The following FHDC1 variants were observed in gnomAD, a reference collection of about 807,000 sequenced individuals.
FHDC1 encodes FH2 domain-containing protein 1.
Under a neutral mutation model 52.6 loss-of-function variants are expected in FHDC1, and 25 were observed. That is an observed-to-expected ratio of 0.48 (90% CI 0.35 to 0.66). FHDC1 has a LOEUF of 0.66. Among genes scored for constraint, FHDC1 ranks in the 30% least tolerant of loss-of-function variants. The pLI, the probability that FHDC1 is intolerant of heterozygous loss-of-function variation, is 0.01. For missense variants in FHDC1, 1,459 were observed against 1,452.8 expected, an observed-to-expected ratio of 1.00 and a Z score of -0.07; for synonymous variants, 616 against 581.5, an observed-to-expected ratio of 1.06 and a Z score of -0.85.
intron 2 of FHDC1, among the ~76,000 whole-genome samples, chr4:152,951,235 T>C (rs953943168): frequency 6.6e-6 from 1 of 152,248 alleles, no homozygotes; most frequent in Non-Finnish European, 1.5e-5. Context: ...CAGATTCTTA[T>C]GCATGGCCTT....
At chr4:152,964,502 T>G (rs1401907391) in intron 8 of FHDC1, among the ~76,000 whole-genome samples, 1 of 151,944 alleles carries the variant, frequency 6.6e-6, no homozygotes, top group African/African-American at 2.4e-5. Flanking sequence ...ATCCAAACAC[T>G]GCCATGGCTC....
the FHDC1 span, among the ~76,000 whole-genome samples, chr4:152,912,594 T>C: frequency 6.6e-6 from 1 of 152,174 alleles, no homozygotes; most frequent in African/African-American, 2.4e-5. Context: ...CATACACATG[T>C]ACCTGTTTAG....
In FHDC1 at chr4:152,975,078, C is replaced by G. The variant is rs1378475065; in HGVS notation, c.1787C>G (p.Ser596Cys). 1 of 1,612,602 alleles carries G rather than the reference C, an allele frequency of 6.2e-7. No individual in the cohort carries two copies. The highest frequency in any genetic ancestry group is 2.2e-5 in the East Asian group (1 of 44,860). ...CCTGCAGAAGTGAGGCACCAGGACT[C>G]CAGCTTTGCACACAAACCTCAGGCC... The part of the protein sequence containing the change: ...LEPAEVRHQD[S>C]SFAHKPQASG... The change falls in exon 12 of 12, where the codon TCC (serine) becomes TGC (cysteine). Residue 596 changes from serine to cysteine, a missense_variant. Physicochemically the swap from Ser to Cys is moderately radical, Grantham distance 112 (BLOSUM62 -1). This residue lies in a region of FHDC1 where 939 missense variants were observed against 854.5 expected (regional missense o/e 1.10). Transcript: ENST00000511601.
the FHDC1 span, among the ~76,000 whole-genome samples, chr4:152,914,525 T>G: frequency 6.6e-6 from 1 of 152,200 alleles, no homozygotes; most frequent in Admixed American, 6.5e-5. Flanking sequence ...CTATCAGAAC[T>G]GAGAATTCTG....
the FHDC1 span, among the ~76,000 whole-genome samples, chr4:152,921,761 A>T: frequency 1.3e-5 from 2 of 152,114 alleles, 1 homozygote; most frequent in Non-Finnish European, 2.9e-5. Flanking sequence ...TATAACCCTC[A>T]TGCCAAATTT....
Position 152,975,039 on chromosome 4 carries a change from T to C in FHDC1, c.1748T>C (p.Ile583Thr). 6.8e-6 allele frequency: 11 copies of C among 1,612,572 alleles called. No homozygotes were observed. Among genetic ancestry groups the C allele is most frequent in the Non-Finnish European group, 9.3e-6 (11 of 1,179,782 alleles). The part of the protein sequence containing the change: ...RSSPRQARPT[I>T]ACLEPAEVRH... ...AGCCCCCGGCAGGCCCGGCCCACGA[T>C]AGCCTGCCTGGAGCCTGCAGAAGTG... is the stretch of plus-strand genomic sequence containing the variant. The change falls in exon 12 of 12, where the codon ATA (isoleucine) becomes ACA (threonine). Residue 583 changes from isoleucine (I) to threonine (T), a missense_variant. Transcript: ENST00000511601.
chr4:152,965,891 A>T (rs1451265898), intron 9 of FHDC1, among the ~76,000 whole-genome samples: 1 of 152,256 alleles, frequency 6.6e-6, no homozygotes, highest in African/African-American at 2.4e-5. Context: ...AATGAACCAT[A>T]GCTCACAGCC....
chr4:152,916,719 C>T, the FHDC1 span, among the ~76,000 whole-genome samples: 4 of 152,036 alleles, frequency 2.6e-5, no homozygotes, highest in South Asian at 8.3e-4. Flanking sequence ...ACAATTTCTC[C>T]TCTAGCATGG....
At chr4:152,939,282 GTGTT>G (rs1739508459) in intron 1 of FHDC1, among the ~76,000 whole-genome samples, 1 of 152,208 alleles carries the variant, frequency 6.6e-6, no homozygotes, top group African/African-American at 2.4e-5. Context: ...TTCAGTGTGT[GTGTT>G]TGAGTGTGTG....
At chr4:152,947,463 C>T (rs1438880730) in intron 2 of FHDC1, among the ~76,000 whole-genome samples, 2 of 152,156 alleles carry the variant, frequency 1.3e-5, no homozygotes, top group East Asian at 1.9e-4. Context: ...CTCTGTAGTT[C>T]CTGACCCTCT....
intron 3 of FHDC1, among the ~76,000 whole-genome samples, chr4:152,953,983 A>T (rs1382025542): frequency 6.6e-6 from 1 of 152,234 alleles, no homozygotes; most frequent in Non-Finnish European, 1.5e-5. Flanking sequence ...TGCTGCTTTC[A>T]GCCTTTTTGG....
chr4:152,964,056 A>G (rs1271971483), intron 8 of FHDC1, among the ~76,000 whole-genome samples: 1 of 151,906 alleles, frequency 6.6e-6, no homozygotes, highest in Non-Finnish European at 1.5e-5. Context: ...TGCTAGCTCT[A>G]CTTCCTCAGG....
chr4:152,971,275 G>A (rs1378188528), intron 10 of FHDC1, among the ~76,000 whole-genome samples: 1 of 152,162 alleles, frequency 6.6e-6, no homozygotes, highest in Non-Finnish European at 1.5e-5. Context: ...AGGATTGCTT[G>A]AGCCCAGGAG....
At chr4:152,963,190 G>GT (rs1740337779) in intron 8 of FHDC1, 60 bp downstream of exon 8, 1 of 1,432,026 alleles carries the variant, frequency 7.0e-7, no homozygotes, top group Non-Finnish European at 9.8e-7. Context: ...AGGCAGTGAA[G>GT]TTTTTCCCAG....
At position 152,977,079 on chromosome 4, in the gene FHDC1, A is replaced by G. The variant is rs1414200210; in HGVS notation, c.*356A>G. 1 of 179,722 alleles carries G rather than the reference A, an allele frequency of 5.6e-6. No homozygotes were observed. The highest frequency in any genetic ancestry group is 2.4e-5 in the African/African-American group (1 of 42,318). The allele number at this position is 179,722 out of a possible 1,614,324, so 11.1% of individuals were successfully genotyped here. On this transcript the variant is annotated 3_prime_UTR_variant, in exon 12 of 12. Coordinates refer to ENST00000511601, the MANE Select transcript of FHDC1 (RefSeq NM_001371116.1). ...AAGTTTTTTTCAGGCCAGTTTTTAT[A>G]TATCAAAGACTTTCTTTTTAATATA... is the stretch of plus-strand genomic sequence containing the variant.
chr4:152,933,798 G>A (rs967098892), upstream of FHDC1, among the ~76,000 whole-genome samples: 1 of 151,260 alleles, frequency 6.6e-6, no homozygotes, highest in East Asian at 1.9e-4. Flanking sequence ...CCCACTGCTT[G>A]AGTGAAATGG....
chr4:152,922,911 G>T, the FHDC1 span, among the ~76,000 whole-genome samples: 1 of 151,676 alleles, frequency 6.6e-6, no homozygotes, highest in East Asian at 1.9e-4. Context: ...ATACTGAATG[G>T]GCAAAAACTG....
At chr4:152,939,244 C>CTG (rs1022095736) in intron 1 of FHDC1, among the ~76,000 whole-genome samples, 16 of 151,658 alleles carry the variant, frequency 1.1e-4, no homozygotes, top group African/African-American at 3.6e-4. Flanking sequence ...CGCCCAGCTA[C>CTG]TGTGTGTGTG....
chr4:152,916,521 T>G, the FHDC1 span, among the ~76,000 whole-genome samples: 1 of 152,042 alleles, frequency 6.6e-6, no homozygotes, highest in Non-Finnish European at 1.5e-5. Context: ...GGTGGATATG[T>G]GGGGTTCCAT....
Sources: allele counts gnomAD v4.1 joint callset (sites outside exome capture counted in the v4.1 genomes callset), GRCh38; gene constraint gnomAD v4.1.1; regional missense constraint gnomAD v4.1.1; transcripts MANE v1.5; gene names NCBI Gene and HGNC (gene_info 2026-07-23, HGNC 2026-07-21).